The following PCDH9 variants were observed in gnomAD, a reference collection of about 807,000 sequenced individuals.
PCDH9 encodes the protein protocadherin 9, also known as protocadherin-9.
A neutral mutation model predicts 70.6 loss-of-function variants in PCDH9; 24 were observed. The ratio of observed to expected loss-of-function variants is 0.34; its 90% CI spans 0.25 to 0.48. The LOEUF (loss-of-function observed/expected upper bound fraction) is 0.48, where lower values mean the gene tolerates loss of function less well. PCDH9 is among the 20% of genes least tolerant of loss of function. PCDH9 has a pLI of 0.99. For missense variants in PCDH9, 1,281 were observed against 1,503.6 expected (o/e 0.85, Z 2.45); for synonymous variants, 562 against 558.5 (o/e 1.01, Z -0.09).
intron 3 of PCDH9, among the ~76,000 whole-genome samples, chr13:66,746,230 T>C (rs975900121): frequency 2.0e-5 from 3 of 152,220 alleles, no homozygotes; most frequent in African/African-American, 7.2e-5. Flanking sequence ...CAATGCTATG[T>C]TAATAAAAAG....
At chr13:66,409,943 G>A (rs1957342400) in intron 4 of PCDH9, among the ~76,000 whole-genome samples, 2 of 152,136 alleles carry the variant, frequency 1.3e-5, no homozygotes, top group African/African-American at 2.4e-5. Flanking sequence ...AAGGTTCCCA[G>A]TAGTCACCTA....
At chr13:66,639,421 G>A (rs1176880013) in intron 3 of PCDH9, among the ~76,000 whole-genome samples, 1 of 152,142 alleles carries the variant, frequency 6.6e-6, no homozygotes, top group Non-Finnish European at 1.5e-5. Flanking sequence ...TACCTCTTAG[G>A]ACTCCCTGTG....
chr13:67,025,750 G>C (rs1282522177), intron 2 of PCDH9, among the ~76,000 whole-genome samples: 3 of 152,090 alleles, frequency 2.0e-5, no homozygotes, highest in African/African-American at 7.2e-5. Flanking sequence ...GATATCACAG[G>C]TATATCCACA....
intron 1 of PCDH9, among the ~76,000 whole-genome samples, 191 bp downstream of exon 1, chr13:67,229,589 T>C (rs1196228614): frequency 6.6e-6 from 1 of 152,190 alleles, no homozygotes; most frequent in Non-Finnish European, 1.5e-5. Flanking sequence ...TCTAATCTTA[T>C]CTGCATTAGG....
intron 4 of PCDH9, among the ~76,000 whole-genome samples, chr13:66,535,778 G>T (rs146087167): frequency 1.4e-3 from 208 of 152,020 alleles, no homozygotes; most frequent in Middle Eastern, 0.014. Context: ...CTCAGGAAAG[G>T]CTCTGGTTGA....
intron 2 of PCDH9, among the ~76,000 whole-genome samples, chr13:67,195,683 G>A (rs1214243089): frequency 1.3e-5 from 2 of 151,928 alleles, no homozygotes; most frequent in Non-Finnish European, 2.9e-5. Flanking sequence ...TAATTATAAT[G>A]ATATTTAAAG....
At chr13:66,436,035 C>A (rs2138387755) in intron 4 of PCDH9, among the ~76,000 whole-genome samples, 1 of 152,140 alleles carries the variant, frequency 6.6e-6, no homozygotes, top group South Asian at 2.1e-4. Context: ...AAAAAAGTCA[C>A]CTAGTAATCA....
chr13:66,683,625 T>A (rs780647033), intron 3 of PCDH9, among the ~76,000 whole-genome samples: 3 of 152,202 alleles, frequency 2.0e-5, no homozygotes, highest in Non-Finnish European at 2.9e-5. Context: ...TTAATATCAT[T>A]CTGTGCTTTT....
intron 2 of PCDH9, among the ~76,000 whole-genome samples, chr13:66,960,322 C>A (rs1439856510): frequency 6.6e-6 from 1 of 152,118 alleles, no homozygotes; most frequent in African/African-American, 2.4e-5. Flanking sequence ...TATTTCTAAG[C>A]AATGCCATTT....
chr13:66,874,872 G>GAAA (rs1330658663), intron 3 of PCDH9, among the ~76,000 whole-genome samples: 1 of 151,502 alleles, frequency 6.6e-6, no homozygotes, highest in East Asian at 1.9e-4. Context: ...CAGAGTTTTT[G>GAAA]AGGTAAGGAG....
chr13:66,550,671 A>G lies in PCDH9; in HGVS notation c.3340+80539T>C, dbSNP rs894062694. 3.3e-5 allele frequency among the ~76,000 whole-genome samples: 5 copies of G among 152,164 alleles called. No individual in the cohort carries two copies. The East Asian group carries it at 9.6e-4, about 29-fold the overall frequency. ...CCCCATATCAGTTCTGAATTTTTAC[A>G]TGAGAGAAAAATAAACTTTCATCTT... On this transcript the variant is annotated intron_variant, in intron 4 of 4. Coordinates refer to ENST00000377865, the MANE Select transcript of PCDH9 (RefSeq NM_203487.3).
intron 2 of PCDH9, among the ~76,000 whole-genome samples, chr13:66,911,217 A>G (rs1183840323): frequency 1.3e-5 from 2 of 152,168 alleles, no homozygotes; most frequent in Non-Finnish European, 2.9e-5. Context: ...AACAGAACTG[A>G]CCATTAAATG....
chr13:66,584,920 T>C lies in PCDH9; in HGVS notation c.3340+46290A>G, dbSNP rs375961119. 1.4e-4 allele frequency among the ~76,000 whole-genome samples: 21 copies of C among 152,242 alleles called. No homozygotes were observed. In the East Asian group the frequency reaches 3.1e-3, roughly 22 times the overall value. ...TGCGAAAAGAAGGTGGTATTTAAAATGTAGATTTAAAAAAATCTGTTATGT... is the reference window on the plus strand; with the variant it reads ...TGCGAAAAGAAGGTGGTATTTAAAACGTAGATTTAAAAAAATCTGTTATGT... On this transcript the variant is annotated intron_variant, in intron 4 of 4. Transcript: ENST00000377865.
At chr13:66,753,489 A>T (rs775000330) in intron 3 of PCDH9, among the ~76,000 whole-genome samples, 2 of 152,170 alleles carry the variant, frequency 1.3e-5, no homozygotes, top group Non-Finnish European at 2.9e-5. Flanking sequence ...GTTAATGAAA[A>T]TTATTTTTTA....
At chr13:66,649,796 A>G (rs904094810) in intron 3 of PCDH9, among the ~76,000 whole-genome samples, 4 of 152,068 alleles carry the variant, frequency 2.6e-5, no homozygotes, top group African/African-American at 7.2e-5. Flanking sequence ...ATAAATAGAA[A>G]AAACAAAAAG....
At chr13:67,046,744 A>G (rs2085229409) in intron 2 of PCDH9, among the ~76,000 whole-genome samples, 1 of 152,072 alleles carries the variant, frequency 6.6e-6, no homozygotes, top group African/African-American at 2.4e-5. Context: ...ATATTTTAAC[A>G]ACAATAGAAA....
chr13:66,466,425 A>G (rs1958515067), intron 4 of PCDH9, among the ~76,000 whole-genome samples: 1 of 152,094 alleles, frequency 6.6e-6, no homozygotes, highest in Non-Finnish European at 1.5e-5. Flanking sequence ...GCCAGTCCAT[A>G]GGGAGAATAG....
At chr13:66,708,409 T>TTG (rs1023159239) in intron 3 of PCDH9, among the ~76,000 whole-genome samples, 7 of 151,062 alleles carry the variant, frequency 4.6e-5, no homozygotes, top group Non-Finnish European at 1.0e-4. Context: ...TTTAGTTTTT[T>TTG]TTTTTTTTTT....
At position 66,952,574 on chromosome 13, in the gene PCDH9, T is replaced by G. The variant is rs141669043; in HGVS notation, c.3037-48969A>C. On this transcript the variant is annotated intron_variant, in intron 2 of 4. Coordinates refer to ENST00000377865, the MANE Select transcript of PCDH9 (RefSeq NM_203487.3). ...ACGAAGCCAGACAATTGCAAAGTAT[T>G]AAATGCAAGGTCACTGATTTAAGAG... Among the ~76,000 whole-genome samples, 23 of 152,290 alleles carry G rather than the reference T, an allele frequency of 1.5e-4. No homozygotes were observed. In the East Asian group the frequency reaches 3.7e-3, roughly 24 times the overall value.
Sources: allele counts gnomAD v4.1 joint callset (sites outside exome capture counted in the v4.1 genomes callset), GRCh38; gene constraint gnomAD v4.1.1; transcripts MANE v1.5; gene names NCBI Gene and HGNC (gene_info 2026-07-23, HGNC 2026-07-21).